DLG2: variants seen among roughly 807,000 people sequenced by gnomAD.
DLG2 encodes the protein disks large homolog 2.
A neutral mutation model predicts 132.5 loss-of-function variants in DLG2; 45 were observed. The ratio of observed to expected loss-of-function variants is 0.34; its 90% CI spans 0.27 to 0.44. The LOEUF (loss-of-function observed/expected upper bound fraction) is 0.44, where lower values mean the gene tolerates loss of function less well. DLG2 is among the 20% of genes least tolerant of loss of function. The probability of loss-of-function intolerance (pLI) is 1.00; values close to 1 mark genes in which losing one functional copy is unlikely to be tolerated. For synonymous variants in DLG2, 424 were observed against 419.6 expected, an observed-to-expected ratio of 1.01 and a Z score of -0.13; for missense variants, 1,045 against 1,196.9, an observed-to-expected ratio of 0.87 and a Z score of 1.87.
At chr11:85,216,786 T>A (rs2152575583) in intron 4 of DLG2, among the ~76,000 whole-genome samples, 1 of 151,752 alleles carries the variant, frequency 6.6e-6, no homozygotes, top group South Asian at 2.1e-4. Flanking sequence ...AACCTCCACC[T>A]CCCGGGTTCA....
At chr11:85,253,485 C>A (rs1456515790) in intron 4 of DLG2, among the ~76,000 whole-genome samples, 1 of 152,122 alleles carries the variant, frequency 6.6e-6, no homozygotes, top group African/African-American at 2.4e-5. Flanking sequence ...TGAATAGAAG[C>A]AGGTGCAGGA....
intron 18 of DLG2, among the ~76,000 whole-genome samples, chr11:83,698,010 G>C (rs972616749): frequency 6.6e-6 from 1 of 152,270 alleles, no homozygotes; most frequent in East Asian, 1.9e-4. Context: ...AGACTGGCTT[G>C]ATTGTCATCA....
At chr11:84,736,515 T>C (rs548059011) in intron 6 of DLG2, among the ~76,000 whole-genome samples, 8 of 152,082 alleles carry the variant, frequency 5.3e-5, no homozygotes, top group African/African-American at 1.9e-4. Context: ...TTCCAACCTA[T>C]TAGCAAAGTA....
chr11:85,359,082 T>C (rs961177316), intron 3 of DLG2, among the ~76,000 whole-genome samples: 33 of 152,198 alleles, frequency 2.2e-4, no homozygotes, highest in African/African-American at 8.0e-4. Context: ...AGCCTTGATC[T>C]TCCCTAGACT....
chr11:84,471,775 C>G (rs774088065), intron 7 of DLG2, among the ~76,000 whole-genome samples: 4 of 151,724 alleles, frequency 2.6e-5, no homozygotes, highest in Admixed American at 6.6e-5. Context: ...TCTATCCTTA[C>G]CCCCTACTTT....
intron 18 of DLG2, among the ~76,000 whole-genome samples, chr11:83,723,416 C>CA (rs367625462): frequency 5.9e-5 from 9 of 151,928 alleles, no homozygotes; most frequent in Non-Finnish European, 1.2e-4. Flanking sequence ...TTGAAAACAA[C>CA]AAAACAACAA....
intron 3 of DLG2, among the ~76,000 whole-genome samples, chr11:85,400,574 C>T (rs1265430020): frequency 7.5e-5 from 11 of 147,146 alleles, no homozygotes; most frequent in African/African-American, 2.8e-4. Flanking sequence ...AAATGTGGCA[C>T]ATATACACCA....
chr11:85,009,616 TAAC>T (rs1445594327), intron 6 of DLG2, among the ~76,000 whole-genome samples: 1 of 152,118 alleles, frequency 6.6e-6, no homozygotes, highest in East Asian at 1.9e-4. Flanking sequence ...TTTCTGTTCT[TAAC>T]AACACAGAAC....
intron 6 of DLG2, among the ~76,000 whole-genome samples, chr11:84,663,694 G>C (rs780074462): frequency 5.9e-5 from 9 of 152,074 alleles, no homozygotes; most frequent in South Asian, 2.1e-4. Flanking sequence ...AATGGGTTTG[G>C]ATGACAAATT....
rs370983874 is a variant in DLG2 at position 84,606,599 on chromosome 11, TG to T, written c.358-71869del. ...TTTAAAAATTAATTGATGGATTAAA[TG>T]GCAATTGTGACACATAAGTGAAACT... is the stretch of plus-strand genomic sequence containing the variant. On this transcript the variant is annotated intron_variant, in intron 6 of 27. Transcript: ENST00000376104. 5.0e-3 allele frequency among the ~76,000 whole-genome samples: 760 copies of T among 152,286 alleles called. 6 individuals carry two copies. The highest frequency in any genetic ancestry group is 0.024 in the Middle Eastern group (7 of 294).
chr11:84,615,215 T>C (rs1171634752), intron 6 of DLG2, among the ~76,000 whole-genome samples: 1 of 152,142 alleles, frequency 6.6e-6, no homozygotes, highest in Non-Finnish European at 1.5e-5. Flanking sequence ...GCTTTATTTT[T>C]ATTGGATGAG....
At chr11:84,712,073 G>A (rs999314216) in intron 6 of DLG2, among the ~76,000 whole-genome samples, 1 of 152,004 alleles carries the variant, frequency 6.6e-6, no homozygotes, top group African/African-American at 2.4e-5. Context: ...GAGTCCAGGG[G>A]TAATTTAATT....
At chr11:83,903,920 T>C (rs952979644) in intron 15 of DLG2, among the ~76,000 whole-genome samples, 1 of 152,212 alleles carries the variant, frequency 6.6e-6, no homozygotes, top group African/African-American at 2.4e-5. Context: ...TGTTTTTTCC[T>C]ATGCATACAT....
At chr11:85,502,999 A>G (rs1170430530) in intron 3 of DLG2, among the ~76,000 whole-genome samples, 1 of 152,122 alleles carries the variant, frequency 6.6e-6, no homozygotes, top group East Asian at 1.9e-4. Flanking sequence ...TAAAAAATGA[A>G]CAAACTAACA....
At chr11:84,334,088 G>C (rs180675371) in intron 7 of DLG2, among the ~76,000 whole-genome samples, 2 of 152,180 alleles carry the variant, frequency 1.3e-5, no homozygotes, top group Non-Finnish European at 2.9e-5. Flanking sequence ...GAATTTATCA[G>C]AGCAACAAAC....
At chr11:84,716,910 T>C (rs1377682757) in intron 6 of DLG2, among the ~76,000 whole-genome samples, 1 of 152,038 alleles carries the variant, frequency 6.6e-6, no homozygotes, top group Non-Finnish European at 1.5e-5. Context: ...TACGTTTGTA[T>C]CTCTAATGCC....
At chr11:85,401,534 A>T (rs2088110402) in intron 3 of DLG2, among the ~76,000 whole-genome samples, 1 of 152,190 alleles carries the variant, frequency 6.6e-6, no homozygotes, top group African/African-American at 2.4e-5. Flanking sequence ...AATTAGGAAA[A>T]GAGGAAGTCA....
chr11:84,968,381 G>A (rs571189261), intron 6 of DLG2, among the ~76,000 whole-genome samples: 72 of 152,108 alleles, frequency 4.7e-4, no homozygotes, highest in African/African-American at 1.7e-3. Context: ...CTTAACTTTT[G>A]GGGAGTCAGA....
chr11:84,744,246 A>T (rs1378587195), intron 6 of DLG2, among the ~76,000 whole-genome samples: 2 of 152,218 alleles, frequency 1.3e-5, no homozygotes, highest in East Asian at 1.9e-4. Context: ...AATGAATCAC[A>T]TTCTCTGTAT....
Sources: gnomAD v4.1 joint callset for allele counts (sites outside exome capture counted in the v4.1 genomes callset) on GRCh38, gnomAD v4.1.1 for gene constraint, MANE v1.5 for transcripts, NCBI Gene and HGNC (gene_info 2026-07-23, HGNC 2026-07-21) for gene names.